Variants in CPNE5 observed in about 807,000 individuals in gnomAD.
CPNE5 encodes the protein copine 5.
A neutral mutation model predicts 81.1 loss-of-function variants in CPNE5; 42 were observed. That is an observed-to-expected ratio of 0.52 (90% CI 0.40 to 0.67). The LOEUF (loss-of-function observed/expected upper bound fraction) is 0.67. CPNE5 is among the 30% of genes least tolerant of loss of function. The pLI, the probability that CPNE5 is intolerant of heterozygous loss-of-function variation, is 0.00. For synonymous variants in CPNE5, 313 were observed against 321.5 expected, an observed-to-expected ratio of 0.97 and a Z score of 0.28; for missense variants, 612 against 815.5, an observed-to-expected ratio of 0.75 and a Z score of 3.04.
At position 36,838,372 on chromosome 6, in the gene CPNE5, C is replaced by T. The variant is rs948386010; in HGVS notation, c.95+911G>A. 5.9e-5 allele frequency among the ~76,000 whole-genome samples: 9 copies of T among 152,340 alleles called. No individual in the cohort carries two copies. The East Asian group carries it at 9.6e-4, about 16-fold the overall frequency. Reference sequence around the variant, plus strand: ...CTCAAAGTGGGTGATGCTTGCGTGGCAGCACATGATCCTAGGCCAGCCACA... The same window carrying T: ...CTCAAAGTGGGTGATGCTTGCGTGGTAGCACATGATCCTAGGCCAGCCACA... On this transcript the variant is annotated intron_variant, in intron 1 of 20. Coordinates refer to ENST00000244751, the MANE Select transcript of CPNE5 (RefSeq NM_020939.2).
At chr6:36,765,471 G>T in intron 10 of CPNE5, 95 bp from the exon 11 acceptor site, 2 of 1,444,046 alleles carry the variant, frequency 1.4e-6, no homozygotes, top group Non-Finnish European at 1.9e-6. Flanking sequence ...AGATAGGGAG[G>T]CCAGGACTCC....
At chr6:36,822,400 C>T (rs1290024128) in intron 2 of CPNE5, among the ~76,000 whole-genome samples, 1 of 151,996 alleles carries the variant, frequency 6.6e-6, no homozygotes, top group East Asian at 1.9e-4. Context: ...GTAGATGCAC[C>T]GATTCGGAGG....
At position 36,758,415 on chromosome 6, in the gene CPNE5, A is replaced by ATTTTTTTT. The variant is rs72371807; in HGVS notation, c.856-2125_856-2118dup. Among the ~76,000 whole-genome samples, 777 of 140,246 alleles carry ATTTTTTTT rather than the reference A, an allele frequency of 5.5e-3. 9 individuals carry two copies. Among genetic ancestry groups the ATTTTTTTT allele is most frequent in the African/African-American group, 0.02 (737 of 37,034 alleles). The allele number at this position is 140,246 out of a possible 152,430, so 92.0% of individuals were successfully genotyped here. A position where few individuals can be genotyped will look rare whatever the true frequency, so the allele number is the denominator to read the frequency against. ...CAGGTAGCTGCCACCATGTCTGGCT[A>ATTTTTTTT]TTTTTTTTTTTTTGGTAGAGATAGG... On this transcript the variant is annotated intron_variant, in intron 12 of 20. Coordinates refer to ENST00000244751, the MANE Select transcript of CPNE5 (RefSeq NM_020939.2).
chr6:36,819,395 T>A (rs528788353), intron 3 of CPNE5, among the ~76,000 whole-genome samples: 6 of 152,348 alleles, frequency 3.9e-5, no homozygotes, highest in Admixed American at 2.0e-4. Flanking sequence ...CCACGGCGTC[T>A]GGCCCCCACA....
chr6:36,752,698 C>G (rs9462216), intron 14 of CPNE5: 65,211 of 192,158 alleles, frequency 0.34, 11,445 homozygotes, highest in Middle Eastern at 0.4. Flanking sequence ...GGCCTCCTGA[C>G]TCCTATTGCA....
At chr6:36,774,875 G>A (rs1320049859) in intron 10 of CPNE5, 86 bp downstream of exon 10, 41 of 1,024,844 alleles carry the variant, frequency 4.0e-5, no homozygotes, top group Non-Finnish European at 5.1e-5. Context: ...GACTGACCAC[G>A]TCAATATGAA....
chr6:36,743,583 T>C, intron 20 of CPNE5, 106 bp downstream of exon 20: 1 of 1,102,266 alleles, frequency 9.1e-7, no homozygotes, highest in Non-Finnish European at 1.4e-6. Context: ...TCCCAGTGCC[T>C]CCCTTCTGGG....
intron 9 of CPNE5, among the ~76,000 whole-genome samples, chr6:36,776,925 C>T (rs780256796): frequency 1.9e-4 from 29 of 152,218 alleles, no homozygotes; most frequent in Admixed American, 7.9e-4. Flanking sequence ...TTCTCACCAG[C>T]GCAGCCATCG....
At chr6:36,829,677 G>A (rs1253186345) in intron 1 of CPNE5, among the ~76,000 whole-genome samples, 1 of 151,478 alleles carries the variant, frequency 6.6e-6, no homozygotes, top group Non-Finnish European at 1.5e-5. Flanking sequence ...TCCAGTCATG[G>A]TGGCAGACAC....
At chr6:36,756,983 G>T (rs988527413) in intron 12 of CPNE5, among the ~76,000 whole-genome samples, 18 of 152,148 alleles carry the variant, frequency 1.2e-4, no homozygotes, top group Non-Finnish European at 2.4e-4. Context: ...AGACGGTTTT[G>T]GTTTCCACAA....
At chr6:36,780,348 G>A (rs1357979877) in intron 8 of CPNE5, among the ~76,000 whole-genome samples, 1 of 152,120 alleles carries the variant, frequency 6.6e-6, no homozygotes, top group Non-Finnish European at 1.5e-5. Flanking sequence ...AGAAGAAGAC[G>A]TAGCTCCCAT....
At chr6:36,756,214 C>T (rs762725580) in intron 13 of CPNE5, 31 bp downstream of exon 13, 8 of 1,604,070 alleles carry the variant, frequency 5.0e-6, no homozygotes, top group Non-Finnish European at 6.8e-6. Context: ...AATGTCTACA[C>T]CCGGCTGCAG....
chr6:36,745,583 T>A, intron 16 of CPNE5, 68 bp from the exon 17 acceptor site: 1 of 1,508,248 alleles, frequency 6.6e-7, no homozygotes, highest in Non-Finnish European at 8.9e-7. Flanking sequence ...GTGTGGGAAC[T>A]GAGTCCAGGT....
intron 1 of CPNE5, among the ~76,000 whole-genome samples, chr6:36,833,128 A>G (rs554118425): frequency 2.0e-5 from 3 of 152,166 alleles, no homozygotes; most frequent in African/African-American, 7.2e-5. Flanking sequence ...GGAGAACCCA[A>G]CCTCCAATCT....
rs186784356 is a variant in CPNE5, at chr6:36,785,252, G to C, written c.529-6295C>G. On this transcript the variant is annotated intron_variant, in intron 8 of 20. Transcript: ENST00000244751. ...AGAGGGCTGTGAAGGTTGGAGGTCAGGGGGAGAACAGAAGAAGGCTGTTGG... is the reference window on the plus strand; with the variant it reads ...AGAGGGCTGTGAAGGTTGGAGGTCACGGGGAGAACAGAAGAAGGCTGTTGG... Among the ~76,000 whole-genome samples, 38 of 152,240 alleles carry C rather than the reference G, an allele frequency of 2.5e-4. No individual in the cohort carries two copies. The East Asian group carries it at 5.2e-3, about 21-fold the overall frequency.
At chr6:36,797,674 C>A (rs1436171405) in intron 6 of CPNE5, among the ~76,000 whole-genome samples, 1 of 152,176 alleles carries the variant, frequency 6.6e-6, no homozygotes, top group Non-Finnish European at 1.5e-5. Flanking sequence ...TCCCTAAAAG[C>A]AAATTAAGGT....
In CPNE5 at chr6:36,798,258, C is replaced by G. The variant is rs1181266006; in HGVS notation, c.328-17G>C. The stretch of plus-strand genomic sequence containing the variant: ...CAGGAAATCCTGCATATCCAGGGAA[C>G]AGAAGAGACCAGTGTCACCCACTCT... On this transcript the variant is annotated splice_polypyrimidine_tract_variant and intron_variant, in intron 5 of 20. Transcript: ENST00000244751. 6.2e-7 allele frequency: 1 copy of G among 1,609,024 alleles called. No homozygotes were observed. The highest frequency in any genetic ancestry group is 1.3e-5 in the African/African-American group (1 of 74,820).
intron 14 of CPNE5, chr6:36,752,686 T>C: frequency 5.4e-6 from 1 of 185,666 alleles, no homozygotes; most frequent in Non-Finnish European, 1.1e-5. Context: ...GCCTAGAGCC[T>C]GGGCCTCCTG....
At chr6:36,813,577 A>G (rs967480113) in intron 3 of CPNE5, among the ~76,000 whole-genome samples, 4 of 152,214 alleles carry the variant, frequency 2.6e-5, no homozygotes, top group African/African-American at 7.2e-5. Context: ...TCACACTTAG[A>G]TCAGTATCAG....
Sources: gnomAD v4.1 joint callset for allele counts (sites outside exome capture counted in the v4.1 genomes callset) on GRCh38, gnomAD v4.1.1 for gene constraint, MANE v1.5 for transcripts, NCBI Gene and HGNC (gene_info 2026-07-23, HGNC 2026-07-21) for gene names.